TTC6: variants seen among roughly 807,000 people sequenced by gnomAD.
TTC6 encodes the protein tetratricopeptide repeat domain 6, also known as tetratricopeptide repeat protein 6.
TTC6 carries 172 observed loss-of-function variants against 210.4 expected under a neutral mutation model. The ratio of observed to expected loss-of-function variants is 0.82; its 90% CI spans 0.72 to 0.93. The LOEUF is 0.93. Among genes scored for constraint, TTC6 ranks in the 40% least tolerant of loss-of-function variants. TTC6 has a pLI of 0.00. For synonymous variants in TTC6, 804 were observed against 819.6 expected (o/e 0.98, Z 0.32); for missense variants, 2,414 against 2,318.1 (o/e 1.04, Z -0.85).
At chr14:37,776,431 T>C (rs944507291) in intron 14 of TTC6, among the ~76,000 whole-genome samples, 1 of 152,182 alleles carries the variant, frequency 6.6e-6, no homozygotes, top group East Asian at 1.9e-4. Flanking sequence ...TACTTAAGTG[T>C]GTTTTTGTAG....
At chr14:37,773,204 C>A (rs2096026009) in intron 14 of TTC6, among the ~76,000 whole-genome samples, 1 of 152,210 alleles carries the variant, frequency 6.6e-6, no homozygotes, top group South Asian at 2.1e-4. Context: ...TACTTTCTCC[C>A]ATTCAGTAGG....
At chr14:37,656,819 A>G (rs1158860453) in intron 1 of TTC6, among the ~76,000 whole-genome samples, 2 of 152,156 alleles carry the variant, frequency 1.3e-5, no homozygotes, top group African/African-American at 4.8e-5. Flanking sequence ...CCAGGCGAGA[A>G]GTACCTTCTT....
intron 7 of TTC6, among the ~76,000 whole-genome samples, chr14:37,732,776 C>T (rs1595168782): frequency 8.3e-6 from 1 of 120,328 alleles, no homozygotes; most frequent in Non-Finnish European, 2.0e-5. Context: ...CGCCACCACG[C>T]CCAGCTAATT....
chr14:37,743,825 A>G (rs1173537099), intron 10 of TTC6, among the ~76,000 whole-genome samples: 3 of 152,198 alleles, frequency 2.0e-5, no homozygotes, highest in Admixed American at 1.3e-4. Context: ...GTAAAATTTC[A>G]GAGTACTGAT....
At chr14:37,798,386 AGG>A (rs1477745215) in intron 20 of TTC6, among the ~76,000 whole-genome samples, 3 of 72,966 alleles carry the variant, frequency 4.1e-5, no homozygotes, top group Non-Finnish European at 1.3e-4. Flanking sequence ...ACTATTATAA[AGG>A]GTATCTTTAA....
chr14:37,673,090 T>C (rs955672092), intron 1 of TTC6, among the ~76,000 whole-genome samples: 1 of 152,160 alleles, frequency 6.6e-6, no homozygotes, highest in Non-Finnish European at 1.5e-5. Context: ...TCCATTTTTT[T>C]TCTTTATCAA....
intron 14 of TTC6, among the ~76,000 whole-genome samples, chr14:37,772,739 A>G (rs930626691): frequency 1.4e-4 from 22 of 152,180 alleles, no homozygotes; most frequent in Non-Finnish European, 2.6e-4. Context: ...GGTACCTCAG[A>G]TGGAAATGCA....
At chr14:37,753,879 A>G (rs1051348817) in intron 14 of TTC6, among the ~76,000 whole-genome samples, 6 of 151,854 alleles carry the variant, frequency 4.0e-5, no homozygotes, top group Non-Finnish European at 5.9e-5. Flanking sequence ...TCATTTGTAC[A>G]TAGCATAGTT....
In TTC6 at chr14:37,841,571, AT is replaced by A; in HGVS notation, c.5427del (p.Ile1809MetfsTer21). ...AGCAAAAGAAGATTTTGCAAATGTA[AT>A]TGAAAGCTGTCCCTTTTGGGCTGCA... is the stretch of plus-strand genomic sequence containing the variant. On this transcript the variant is annotated frameshift_variant, in exon 30 of 31. Transcript: ENST00000553443. LOFTEE classifies it high-confidence loss of function. The A allele has an allele frequency of 6.2e-7, 1 of 1,608,124 alleles. No homozygotes were observed.
At chr14:37,651,409 ATATATATATATATAT>A (rs2095711476) in intron 1 of TTC6, among the ~76,000 whole-genome samples, 1 of 19,344 alleles carries the variant, frequency 5.2e-5, no homozygotes, top group South Asian at 2.1e-3. Context: ...ATATATATAT[ATATATATATATATAT>A]ATTTTTTTTT....
At chr14:37,636,448 AG>A (rs2095680921) in intron 1 of TTC6, among the ~76,000 whole-genome samples, 1 of 152,232 alleles carries the variant, frequency 6.6e-6, no homozygotes, top group Non-Finnish European at 1.5e-5. Context: ...GAGTCAAACT[AG>A]AAATTGATAA....
intron 25 of TTC6, among the ~76,000 whole-genome samples, chr14:37,815,094 T>TA (rs1242628993): frequency 1.3e-5 from 2 of 151,954 alleles, no homozygotes; most frequent in African/African-American, 4.8e-5. Context: ...AGTAAAGGAA[T>TA]AAAAAAAGAT....
At chr14:37,782,760 G>A (rs1254918670) in intron 14 of TTC6, among the ~76,000 whole-genome samples, 4 of 152,136 alleles carry the variant, frequency 2.6e-5, no homozygotes, top group Non-Finnish European at 4.4e-5. Context: ...TATTGGCTGT[G>A]GGTTTGTCAT....
At chr14:37,727,932 TC>T (rs1243562329) in intron 7 of TTC6, among the ~76,000 whole-genome samples, 5 of 152,208 alleles carry the variant, frequency 3.3e-5, no homozygotes, top group Non-Finnish European at 7.3e-5. Context: ...CCAATATCTC[TC>T]AGTTAATTCA....
At chr14:37,760,076 G>A (rs1217151270) in intron 14 of TTC6, among the ~76,000 whole-genome samples, 1 of 152,022 alleles carries the variant, frequency 6.6e-6, no homozygotes, top group Non-Finnish European at 1.5e-5. Context: ...TGGAGAAGAG[G>A]CATTCTGGTT....
intron 1 of TTC6, among the ~76,000 whole-genome samples, chr14:37,667,052 G>T (rs535488178): frequency 2.4e-4 from 35 of 148,862 alleles, no homozygotes; most frequent in Admixed American, 2.1e-3. Flanking sequence ...GACATTTATT[G>T]TATCTAATTT....
intron 3 of TTC6, among the ~76,000 whole-genome samples, chr14:37,686,046 A>G (rs1210817814): frequency 6.6e-6 from 1 of 152,136 alleles, no homozygotes; most frequent in Admixed American, 6.6e-5. Context: ...GAATTCCTAG[A>G]CTGAATATCA....
At chr14:37,833,244 C>T (rs2096190180) in intron 29 of TTC6, among the ~76,000 whole-genome samples, 1 of 152,106 alleles carries the variant, frequency 6.6e-6, no homozygotes, top group Non-Finnish European at 1.5e-5. Flanking sequence ...ATTAATGAGT[C>T]TAGCTCTCTC....
At chr14:37,827,445 A>G in intron 29 of TTC6, 79 bp downstream of exon 31, 1 of 1,366,574 alleles carries the variant, frequency 7.3e-7, no homozygotes, top group South Asian at 1.4e-5. Flanking sequence ...AGTATAATTC[A>G]TACAATCTCA....
Sources: gnomAD v4.1 joint callset for allele counts (sites outside exome capture counted in the v4.1 genomes callset) on GRCh38, gnomAD v4.1.1 for gene constraint, MANE v1.5 for transcripts, NCBI Gene and HGNC (gene_info 2026-07-23, HGNC 2026-07-21) for gene names.